Variants in LRP8 observed in about 807,000 individuals in gnomAD.
LRP8 encodes the protein LDL receptor related protein 8.
In LRP8, 46 loss-of-function variants were observed where a neutral mutation model predicts 111.6. The ratio of observed to expected loss-of-function variants is 0.41; its 90% CI spans 0.33 to 0.53. The LOEUF (loss-of-function observed/expected upper bound fraction) is 0.53. LRP8 is among the 20% of genes least tolerant of loss of function. The probability of loss-of-function intolerance (pLI) is 0.20; values close to 1 mark genes in which losing one functional copy is unlikely to be tolerated. For missense variants in LRP8, 959 were observed against 1,297.4 expected, an observed-to-expected ratio of 0.74 and a Z score of 4.01; for synonymous variants, 464 against 511.2, an observed-to-expected ratio of 0.91 and a Z score of 1.24.
Position 53,299,801 on chromosome 1 carries a change from T to C in LRP8, c.245-10112A>G, listed in dbSNP as rs6671232. Among the ~76,000 whole-genome samples, 1,168 of 152,380 alleles carry C rather than the reference T, an allele frequency of 7.7e-3. 15 individuals are homozygous for C. The highest frequency in any genetic ancestry group is 0.027 in the African/African-American group (1,122 of 41,596). On this transcript the variant is annotated intron_variant, in intron 2 of 18. Coordinates refer to ENST00000306052, the MANE Select transcript of LRP8 (RefSeq NM_004631.5). ...GCCTGGAGGGCCTGGCTCTGCTCTG[T>C]GGCCTTGATGTAAGTCTCTGGCCTT...
chr1:53,269,320 ATTATTT>A (rs1466737851), intron 8 of LRP8, among the ~76,000 whole-genome samples: 1 of 150,848 alleles, frequency 6.6e-6, no homozygotes, highest in East Asian at 1.9e-4. Flanking sequence ...TATTATTATT[ATTATTT>A]TTTTTTTTAG....
chr1:53,250,965 C>T lies in LRP8; in HGVS notation c.2504-103G>A. 1.1e-6 allele frequency: 1 copy of T among 929,346 alleles called. No individual in the cohort carries two copies. Among genetic ancestry groups the T allele is most frequent in the East Asian group, 2.4e-5 (1 of 41,336 alleles). 57.6% of individuals were successfully genotyped at this position (929,346 alleles called of 1,614,324 possible). Reference sequence around the variant, plus strand: ...CACTCCACTTTTACTACCCTTTGCTCCTCAGGCTCTGTTTCTGCATGTTCT... The same window carrying T: ...CACTCCACTTTTACTACCCTTTGCTTCTCAGGCTCTGTTTCTGCATGTTCT... On this transcript the variant is annotated intron_variant, in intron 16 of 18. Transcript: ENST00000306052. The surrounding 1 kb of genome is among the most constrained non-coding windows in gnomAD (Gnocchi z 4.6).
rs1041109406 is a variant in LRP8, at chr1:53,327,110, C to A, written c.125-118G>T. 1.5e-5 allele frequency: 21 copies of A among 1,412,254 alleles called. No individual in the cohort carries two copies. In the South Asian group the frequency reaches 2.4e-4, roughly 16 times the overall value. 87.5% of individuals were successfully genotyped at this position (1,412,254 alleles called of 1,614,324 possible). On this transcript the variant is annotated intron_variant, in intron 1 of 18. Coordinates refer to ENST00000306052, the MANE Select transcript of LRP8 (RefSeq NM_004631.5). The stretch of plus-strand genomic sequence containing the variant: ...GAGGAAAGGGGGCGATTATGGAGAC[C>A]CCGGGGGCTTCAGGCACACTCCATC...
intron 6 of LRP8, among the ~76,000 whole-genome samples, chr1:53,273,805 T>C (rs1646832063): frequency 6.6e-6 from 1 of 152,096 alleles, no homozygotes; most frequent in African/African-American, 2.4e-5. Flanking sequence ...AAATATGCTC[T>C]TCCTGGGAAG....
intron 16 of LRP8, among the ~76,000 whole-genome samples, chr1:53,251,401 G>A (rs1186310972): frequency 6.6e-6 from 1 of 152,038 alleles, no homozygotes; most frequent in African/African-American, 2.4e-5. Flanking sequence ...TTCCAAAGGT[G>A]AGGCTCCACC....
chr1:53,328,036 C>A lies in LRP8; in HGVS notation c.-124G>T. ...CTGCCCCCGCCGCCGCCGCCGCCGCCGCTGCCGCCCGCCCCGGCTCCTCGG... is the reference window on the plus strand; with the variant it reads ...CTGCCCCCGCCGCCGCCGCCGCCGCAGCTGCCGCCCGCCCCGGCTCCTCGG... On this transcript the variant is annotated 5_prime_UTR_variant, in exon 1 of 19. Coordinates refer to ENST00000306052, the MANE Select transcript of LRP8 (RefSeq NM_004631.5). 2.6e-6 allele frequency: 1 copy of A among 391,856 alleles called. No homozygotes were observed. The highest frequency in any genetic ancestry group is 2.2e-5 in the African/African-American group (1 of 45,256). The allele number at this position is 391,856 out of a possible 1,614,324, so 24.3% of individuals were successfully genotyped here. A position where few individuals can be genotyped will look rare whatever the true frequency, so the allele number is the denominator to read the frequency against.
At chr1:53,325,206 G>A (rs1021210632) in intron 2 of LRP8, among the ~76,000 whole-genome samples, 1 of 152,152 alleles carries the variant, frequency 6.6e-6, no homozygotes, top group African/African-American at 2.4e-5. Context: ...AATGGTCCAG[G>A]GTCATGATTA....
rs1572510949 is a variant in LRP8, at chr1:53,275,575, A to G, written c.1006+56T>C. 1 of 1,599,536 alleles carries G rather than the reference A, an allele frequency of 6.3e-7. No individual in the cohort carries two copies. The highest frequency in any genetic ancestry group is 8.6e-7 in the Non-Finnish European group (1 of 1,169,376). On this transcript the variant is annotated intron_variant, in intron 6 of 18. Transcript: ENST00000306052. This position sits in a 1 kb window ranked among gnomAD's most constrained non-coding sequence, Gnocchi z 4.4. ...TCCCAACTCTGCCCTCTGGAGAGTT[A>G]CCAGAGCCTAGGGCATCCTCACAGA... is the stretch of plus-strand genomic sequence containing the variant.
intron 18 of LRP8, 81 bp from the exon 19 acceptor site, chr1:53,247,137 G>A (rs957282681): frequency 3.7e-5 from 41 of 1,121,892 alleles, no homozygotes; most frequent in East Asian, 5.2e-5. Flanking sequence ...ACAGACTTAC[G>A]TTACTTTAAC....
chr1:53,296,907 C>T (rs1476403163), intron 2 of LRP8, among the ~76,000 whole-genome samples: 1 of 152,190 alleles, frequency 6.6e-6, no homozygotes, highest in Non-Finnish European at 1.5e-5. Flanking sequence ...ACCCTTTTCC[C>T]AAGTGAACCC....
At chr1:53,297,542 G>T (rs763644389) in intron 2 of LRP8, among the ~76,000 whole-genome samples, 3 of 152,136 alleles carry the variant, frequency 2.0e-5, no homozygotes, top group Non-Finnish European at 4.4e-5. Context: ...ATCTAAATTC[G>T]CCCTCTCCCC....
rs890614226 is a variant in LRP8, at chr1:53,249,301, C to G, written c.2853+79G>C. The G allele has an allele frequency of 8.1e-6, 12 of 1,486,540 alleles. No homozygotes were observed. Among genetic ancestry groups the G allele is most frequent in the Admixed American group, 2.1e-5 (1 of 47,850 alleles). 92.1% of individuals were successfully genotyped at this position (1,486,540 alleles called of 1,614,324 possible). On this transcript the variant is annotated intron_variant, in intron 18 of 18. Coordinates refer to ENST00000306052, the MANE Select transcript of LRP8 (RefSeq NM_004631.5). The surrounding 1 kb of genome is among the most constrained non-coding windows in gnomAD (Gnocchi z 4.1). ...TTTGCAGCCTTCCCAAACCAGAAAG[C>G]CTTCTAGGATTGGCTGCGCCTGCCT... is the stretch of plus-strand genomic sequence containing the variant.
At chr1:53,307,619 C>T (rs1351490346) in intron 2 of LRP8, among the ~76,000 whole-genome samples, 1 of 152,250 alleles carries the variant, frequency 6.6e-6, no homozygotes, top group Non-Finnish European at 1.5e-5. Context: ...ATGCTGGACA[C>T]ACACTGCAGC....
At chr1:53,321,454 G>A (rs1233645764) in intron 2 of LRP8, among the ~76,000 whole-genome samples, 8 of 152,298 alleles carry the variant, frequency 5.3e-5, no homozygotes, top group African/African-American at 1.7e-4. Context: ...ATGGGCCTGG[G>A]AGTAGACCAC....
At chr1:53,319,666 C>T (rs1654244907) in intron 2 of LRP8, among the ~76,000 whole-genome samples, 1 of 152,192 alleles carries the variant, frequency 6.6e-6, no homozygotes, top group African/African-American at 2.4e-5. Context: ...GCCCTCAGCC[C>T]CTCCCCTGCC....
chr1:53,270,843 A>G (rs1419272840), intron 8 of LRP8, among the ~76,000 whole-genome samples, 185 bp downstream of exon 8: 1 of 152,180 alleles, frequency 6.6e-6, no homozygotes, highest in East Asian at 1.9e-4. Context: ...TTATGTTACT[A>G]ATTGTCTCTT....
At chr1:53,319,564 G>A (rs1010645544) in intron 2 of LRP8, among the ~76,000 whole-genome samples, 1 of 152,232 alleles carries the variant, frequency 6.6e-6, no homozygotes, top group African/African-American at 2.4e-5. Flanking sequence ...CCCATTGTGG[G>A]TACCTAGGCT....
Position 53,280,655 on chromosome 1 carries a change from G to T in LRP8, c.428C>A (p.Pro143His). The T allele has an allele frequency of 6.2e-7, 1 of 1,613,538 alleles. No individual in the cohort carries two copies. Reference sequence around the variant, plus strand: ...CTCCCCGTCGCAGCGCCACGAGGCAGGTACACACTTGTGGCTGGTGGGTCC... The same window carrying T: ...CTCCCCGTCGCAGCGCCACGAGGCATGTACACACTTGTGGCTGGTGGGTCC... ...SCGPTSHKCV[P>H]ASWRCDGEKD... Residue 143 changes from proline to histidine, a missense_variant, in exon 4 of 19, where the codon CCT (proline) becomes CAT (histidine). Coordinates refer to ENST00000306052, the MANE Select transcript of LRP8 (RefSeq NM_004631.5).
Position 53,266,938 on chromosome 1 carries a change from A to G in LRP8, c.1253-291T>C, listed in dbSNP as rs796517840. Reference sequence around the variant, plus strand: ...CTTAGGCCTGCACTGAAAGCCTTCCACAGTGTGACCCCAAGTTCCCTGTCC... The same window carrying G: ...CTTAGGCCTGCACTGAAAGCCTTCCGCAGTGTGACCCCAAGTTCCCTGTCC... On this transcript the variant is annotated intron_variant, in intron 8 of 18. Transcript: ENST00000306052. The surrounding 1 kb of genome is among the most constrained non-coding windows in gnomAD (Gnocchi z 5.0). 52 of 333,554 alleles carry G rather than the reference A, an allele frequency of 1.6e-4. 1 individual carries two copies. Among genetic ancestry groups the G allele is most frequent in the African/African-American group, 9.9e-4 (48 of 48,702 alleles). 20.7% of individuals were successfully genotyped at this position (333,554 alleles called of 1,614,324 possible).
Sources: gnomAD v4.1 joint callset for allele counts (sites outside exome capture counted in the v4.1 genomes callset) on GRCh38, gnomAD v4.1.1 for gene constraint, Gnocchi (gnomAD v3.1) non-coding constraint, MANE v1.5 for transcripts, NCBI Gene and HGNC (gene_info 2026-07-23, HGNC 2026-07-21) for gene names.